The following TMEM232 variants were observed in gnomAD, a reference collection of about 807,000 sequenced individuals.
TMEM232 encodes the protein transmembrane protein 232.
TMEM232 carries 80 observed loss-of-function variants against 78.8 expected under a neutral mutation model. The ratio of observed to expected loss-of-function variants is 1.01; its 90% CI spans 0.85 to 1.22. The LOEUF (loss-of-function observed/expected upper bound fraction) is 1.22, where lower values mean the gene tolerates loss of function less well. Among genes scored for constraint, TMEM232 ranks in the 50% most tolerant of loss-of-function variants. TMEM232 has a pLI of 0.00. For missense variants in TMEM232, 881 were observed against 742.2 expected (o/e 1.19, Z -2.17); for synonymous variants, 297 against 254.3 (o/e 1.17, Z -1.60).
Position 110,446,877 on chromosome 5 carries a change from C to T in TMEM232, c.1704-21961G>A, listed in dbSNP as rs2195338. Among the ~76,000 whole-genome samples the T allele has an allele frequency of 4.1e-3, 616 of 151,928 alleles. 1 individual carries two copies. The highest frequency in any genetic ancestry group is 0.014 in the African/African-American group (577 of 41,452). On this transcript the variant is annotated intron_variant, in intron 12 of 13. Transcript: ENST00000455884. ...ATTCATTTAAATATGGTTAAGGATC[C>T]TGAAAAAATTCTGGGTATAACCCAG...
chr5:110,437,754 C>A (rs1289877921), intron 12 of TMEM232, among the ~76,000 whole-genome samples: 1 of 152,000 alleles, frequency 6.6e-6, no homozygotes, highest in Non-Finnish European at 1.5e-5. Context: ...ACAAGAGCTA[C>A]AAAGGCACTT....
chr5:110,530,374 T>C (rs905425103), intron 11 of TMEM232, among the ~76,000 whole-genome samples: 1 of 152,200 alleles, frequency 6.6e-6, no homozygotes, highest in African/African-American at 2.4e-5. Context: ...GTAATCCCAC[T>C]ACTGGGTATA....
chr5:110,619,831 G>A (rs539675651), intron 7 of TMEM232, among the ~76,000 whole-genome samples: 1 of 152,086 alleles, frequency 6.6e-6, no homozygotes, highest in African/African-American at 2.4e-5. Flanking sequence ...ACAAGTTAAT[G>A]GGTGCAGCAC....
chr5:110,469,001 A>ACTT (rs1191769746), intron 12 of TMEM232, among the ~76,000 whole-genome samples: 7 of 152,150 alleles, frequency 4.6e-5, no homozygotes, highest in African/African-American at 7.2e-5. Context: ...ACCAGGAGGA[A>ACTT]CTTCTCTCTG....
chr5:110,606,357 G>A (rs996428153), intron 8 of TMEM232, 70 bp from the exon 9 acceptor site: 2 of 1,389,428 alleles, frequency 1.4e-6, no homozygotes, highest in Non-Finnish European at 9.6e-7. Context: ...CTTTTAATGT[G>A]AAAAAATGAA....
intron 11 of TMEM232, among the ~76,000 whole-genome samples, chr5:110,551,709 T>C (rs1018700237): frequency 1.2e-4 from 19 of 152,158 alleles, no homozygotes; most frequent in Non-Finnish European, 2.2e-4. Flanking sequence ...ATTTATCTTA[T>C]TAACATTTCT....
intron 2 of TMEM232, among the ~76,000 whole-genome samples, chr5:110,734,071 C>G (rs1798939373): frequency 6.6e-6 from 1 of 152,204 alleles, no homozygotes; most frequent in African/African-American, 2.4e-5. Context: ...ACAGTGGACA[C>G]TTTAAAAATA....
intron 2 of TMEM232, among the ~76,000 whole-genome samples, chr5:110,399,111 G>A (rs1415917703): frequency 6.6e-6 from 1 of 151,656 alleles, no homozygotes; most frequent in Non-Finnish European, 1.5e-5. Flanking sequence ...GAAGAACCCT[G>A]AATGACACAC....
chr5:110,441,407 T>G (rs1209750741), intron 12 of TMEM232, among the ~76,000 whole-genome samples: 1 of 152,160 alleles, frequency 6.6e-6, no homozygotes, highest in Admixed American at 6.6e-5. Context: ...GTTCTCTGTC[T>G]CAGGAAGTTT....
chr5:110,449,983 G>A (rs969521991), intron 12 of TMEM232, among the ~76,000 whole-genome samples: 5 of 152,108 alleles, frequency 3.3e-5, no homozygotes, highest in East Asian at 1.9e-4. Flanking sequence ...GGTGAGGGAC[G>A]TGGAGGGAGG....
At chr5:110,505,743 C>T (rs945273975) in intron 12 of TMEM232, among the ~76,000 whole-genome samples, 10 of 152,178 alleles carry the variant, frequency 6.6e-5, no homozygotes, top group Non-Finnish European at 1.5e-4. Context: ...CTCCTGTCCT[C>T]AAGTGATCTG....
chr5:110,500,832 C>G (rs975224536), intron 12 of TMEM232, among the ~76,000 whole-genome samples: 1 of 152,118 alleles, frequency 6.6e-6, no homozygotes, highest in Non-Finnish European at 1.5e-5. Context: ...CTGGAACAGC[C>G]ACTTACAGAG....
At chr5:110,691,981 C>T (rs569553056) in intron 1 of TMEM232, among the ~76,000 whole-genome samples, 16 of 152,176 alleles carry the variant, frequency 1.1e-4, no homozygotes, top group South Asian at 4.1e-4. Context: ...AGTGCAGTGG[C>T]GTGATCTCGG....
intron 11 of TMEM232, among the ~76,000 whole-genome samples, chr5:110,567,072 G>T (rs1476644603): frequency 1.3e-5 from 2 of 151,494 alleles, no homozygotes; most frequent in Non-Finnish European, 2.9e-5. Context: ...ACTATTATGA[G>T]AACAACATGG....
At chr5:110,704,201 T>C (rs1413569694) in intron 1 of TMEM232, among the ~76,000 whole-genome samples, 2 of 152,124 alleles carry the variant, frequency 1.3e-5, no homozygotes, top group African/African-American at 4.8e-5. Flanking sequence ...GGAAGAGACA[T>C]CAACTAAAGG....
At chr5:110,580,115 T>A (rs765823243) in intron 10 of TMEM232, among the ~76,000 whole-genome samples, 2 of 151,574 alleles carry the variant, frequency 1.3e-5, no homozygotes, top group Non-Finnish European at 3.0e-5. Context: ...TAAAAAGATA[T>A]AACAATTATA....
chr5:110,393,794 T>C (rs1561452349), intron 3 of TMEM232, among the ~76,000 whole-genome samples: 1 of 151,698 alleles, frequency 6.6e-6, no homozygotes, highest in Non-Finnish European at 1.5e-5. Flanking sequence ...CCATCTCTAC[T>C]AAAAATACAA....
chr5:110,483,770 C>T (rs927795648), intron 12 of TMEM232, among the ~76,000 whole-genome samples: 3 of 151,680 alleles, frequency 2.0e-5, no homozygotes, highest in African/African-American at 7.3e-5. Context: ...GAATGTAAAA[C>T]AGAACTCCCA....
chr5:110,598,606 C>T (rs1392789074), intron 10 of TMEM232, among the ~76,000 whole-genome samples: 1 of 151,916 alleles, frequency 6.6e-6, no homozygotes, highest in Admixed American at 6.6e-5. Flanking sequence ...GACTTAGAAC[C>T]AACCCAAATG....
Sources: allele counts gnomAD v4.1 joint callset (sites outside exome capture counted in the v4.1 genomes callset), GRCh38; gene constraint gnomAD v4.1.1; transcripts MANE v1.5; gene names NCBI Gene and HGNC (gene_info 2026-07-23, HGNC 2026-07-21).